SLC66A2: variants seen among roughly 807,000 people sequenced by gnomAD.
SLC66A2 encodes solute carrier family 66 member 2.
A neutral mutation model predicts 25.5 loss-of-function variants in SLC66A2; 23 were observed. The ratio of observed to expected loss-of-function variants is 0.90; its 90% CI spans 0.65 to 1.28. The LOEUF is 1.28. SLC66A2 is among the 50% of genes most tolerant of loss of function. SLC66A2 has a pLI of 0.00. For synonymous variants in SLC66A2, 193 were observed against 166.5 expected, an observed-to-expected ratio of 1.16 and a Z score of -1.23; for missense variants, 396 against 373.1, an observed-to-expected ratio of 1.06 and a Z score of -0.51.
rs1484167591 is a variant in SLC66A2, at chr18:79,943,272, C to T, written c.337+57G>A. The T allele has an allele frequency of 2.5e-6, 4 of 1,581,772 alleles. No homozygotes were observed. In the East Asian group the frequency reaches 9.0e-5, roughly 36 times the overall value. ...CAGATTAGAGTGGCTTTTGTTTCAC[C>T]AGAGTCACCTACGCCCTGATTCCCT... On this transcript the variant is annotated intron_variant, in intron 3 of 5. Coordinates refer to ENST00000397778, the MANE Select transcript of SLC66A2 (RefSeq NM_025078.5).
At chr18:79,908,921 G>A (rs1292316234) in intron 5 of SLC66A2, among the ~76,000 whole-genome samples, 1 of 152,246 alleles carries the variant, frequency 6.6e-6, no homozygotes, top group Non-Finnish European at 1.5e-5. Flanking sequence ...TTACCTGTTA[G>A]AGCACAGTTA....
chr18:79,908,409 C>T (rs779631179), intron 5 of SLC66A2, among the ~76,000 whole-genome samples: 3 of 152,052 alleles, frequency 2.0e-5, no homozygotes, highest in Non-Finnish European at 4.4e-5. Flanking sequence ...TGACCTCCCT[C>T]GTTTCTGGTG....
In SLC66A2 at chr18:79,943,628, G is replaced by A. The variant is rs140933995; in HGVS notation, c.204-166C>T. ...ACCCTGTGTCAGGCCCACCCACATC[G>A]CCTCTCCCAGTCCCGAACCTGCAGC... On this transcript the variant is annotated intron_variant, in intron 2 of 5. Coordinates refer to ENST00000397778, the MANE Select transcript of SLC66A2 (RefSeq NM_025078.5). The A allele has an allele frequency of 3.2e-4, 221 of 696,634 alleles. 2 individuals carry two copies. The African/African-American group carries it at 3.7e-3, about 12-fold the overall frequency. 43.2% of individuals were successfully genotyped at this position (696,634 alleles called of 1,614,324 possible). A position where few individuals can be genotyped will look rare whatever the true frequency, so the allele number is the denominator to read the frequency against.
At chr18:79,934,207 A>G (rs574652279) in intron 3 of SLC66A2, among the ~76,000 whole-genome samples, 185 bp from the exon 4 acceptor site, 4 of 152,184 alleles carry the variant, frequency 2.6e-5, no homozygotes, top group South Asian at 2.1e-4. Context: ...TTTCTGAACT[A>G]TTTTTCTGCA....
chr18:79,950,909 C>T lies in SLC66A2; in HGVS notation c.18G>A (p.Leu6=). The change falls in exon 2 of 6, where the codon CTG becomes CTA. Residue 6 remains leucine (L), a synonymous_variant. Transcript: ENST00000397778. ...GGTGCAGTGGCACCAGGAGCCAGTCCAGGCCCTCGGCCTCCATCGCAGCGC... is the reference window on the plus strand; with the variant it reads ...GGTGCAGTGGCACCAGGAGCCAGTCTAGGCCCTCGGCCTCCATCGCAGCGC... MEAEG[L]DWLLVPLHQL... is the part of the protein sequence containing the mutation. 6.3e-7 allele frequency: 1 copy of T among 1,580,536 alleles called. No individual in the cohort carries two copies. The highest frequency in any genetic ancestry group is 8.6e-7 in the Non-Finnish European group (1 of 1,164,190).
At chr18:79,925,569 C>T (rs542529688) in intron 4 of SLC66A2, among the ~76,000 whole-genome samples, 1 of 152,332 alleles carries the variant, frequency 6.6e-6, no homozygotes, top group South Asian at 2.1e-4. Flanking sequence ...GTCGCACGGG[C>T]GTGGCTGCCC....
chr18:79,929,215 TG>T (rs2070466389), intron 4 of SLC66A2, among the ~76,000 whole-genome samples: 1 of 152,118 alleles, frequency 6.6e-6, no homozygotes, highest in Non-Finnish European at 1.5e-5. Context: ...CACCAAACAC[TG>T]GCCCCAATGG....
intron 4 of SLC66A2, among the ~76,000 whole-genome samples, chr18:79,928,085 G>C (rs1378667498): frequency 1.3e-5 from 2 of 152,254 alleles, no homozygotes; most frequent in East Asian, 3.8e-4. Flanking sequence ...GGGCTGGGCT[G>C]TCACCGCGGC....
intron 3 of SLC66A2, among the ~76,000 whole-genome samples, 171 bp downstream of exon 3, chr18:79,943,158 G>A (rs114790715): frequency 6.6e-5 from 10 of 152,320 alleles, no homozygotes; most frequent in African/African-American, 1.9e-4. Flanking sequence ...GTCATAAACC[G>A]TTTAACTGAA....
chr18:79,936,599 C>T (rs770679563), intron 3 of SLC66A2, among the ~76,000 whole-genome samples: 9 of 152,198 alleles, frequency 5.9e-5, no homozygotes, highest in Non-Finnish European at 1.2e-4. Flanking sequence ...TAAATTCAAC[C>T]ACCTGACTTT....
intron 2 of SLC66A2, among the ~76,000 whole-genome samples, chr18:79,945,518 C>A (rs937925461): frequency 3.9e-5 from 6 of 152,220 alleles, no homozygotes; most frequent in African/African-American, 1.4e-4. Context: ...CCTTGCCTCA[C>A]TGGATGCTTC....
intron 3 of SLC66A2, among the ~76,000 whole-genome samples, chr18:79,942,830 T>C (rs147200762): frequency 2.0e-5 from 3 of 152,332 alleles, no homozygotes; most frequent in African/African-American, 4.8e-5. Flanking sequence ...AACACTGCAG[T>C]GTGCTCCGCA....
intron 5 of SLC66A2, among the ~76,000 whole-genome samples, chr18:79,909,505 C>T: frequency 6.7e-6 from 1 of 148,464 alleles, no homozygotes. Flanking sequence ...CACCAGAGTC[C>T]CCAGCCTTCC....
At chr18:79,908,383 A>C (rs1982444542) in intron 5 of SLC66A2, among the ~76,000 whole-genome samples, 1 of 151,990 alleles carries the variant, frequency 6.6e-6, no homozygotes. Flanking sequence ...CATCTGAAAA[A>C]TGTGCCACTT....
At chr18:79,910,522 T>A (rs1982954710) in intron 5 of SLC66A2, among the ~76,000 whole-genome samples, 1 of 152,232 alleles carries the variant, frequency 6.6e-6, no homozygotes, top group Non-Finnish European at 1.5e-5. Context: ...ACAAGACTTT[T>A]TCTAGTTCAC....
chr18:79,922,644 T>C (rs1212449885), intron 4 of SLC66A2, among the ~76,000 whole-genome samples: 1 of 151,982 alleles, frequency 6.6e-6, no homozygotes, highest in Non-Finnish European at 1.5e-5. Flanking sequence ...CAGGTGGACA[T>C]GTGCAGTCCA....
intron 4 of SLC66A2, among the ~76,000 whole-genome samples, chr18:79,931,282 A>AT (rs961195364): frequency 1.4e-4 from 22 of 152,216 alleles, no homozygotes; most frequent in African/African-American, 2.4e-4. Context: ...GCCAGAATGG[A>AT]TTTTTTTTAA....
intron 4 of SLC66A2, 72 bp downstream of exon 4, chr18:79,933,897 C>T (rs1986817064): frequency 1.1e-5 from 15 of 1,362,794 alleles, no homozygotes; most frequent in Non-Finnish European, 1.6e-5. Context: ...GAAGCAACAA[C>T]AGGAGGAAGT....
At chr18:79,915,015 G>A (rs1221037468) in intron 5 of SLC66A2, among the ~76,000 whole-genome samples, 1 of 152,230 alleles carries the variant, frequency 6.6e-6, no homozygotes, top group Non-Finnish European at 1.5e-5. Flanking sequence ...CGGCACAAAG[G>A]CTGGGCCTGG....
Sources: gnomAD v4.1 joint callset for allele counts (sites outside exome capture counted in the v4.1 genomes callset) on GRCh38, gnomAD v4.1.1 for gene constraint, MANE v1.5 for transcripts, NCBI Gene and HGNC (gene_info 2026-07-23, HGNC 2026-07-21) for gene names.